MED13L: variants seen among roughly 807,000 people sequenced by gnomAD.
MED13L encodes the protein mediator of RNA polymerase II transcription subunit 13-like.
Under a neutral mutation model 220.9 loss-of-function variants are expected in MED13L, and 7 were observed. That is an observed-to-expected ratio of 0.03 (90% CI 0.02 to 0.06). The LOEUF is 0.06. Among genes scored for constraint, MED13L ranks in the 10% least tolerant of loss-of-function variants. The pLI, the probability that MED13L is intolerant of heterozygous loss-of-function variation, is 1.00. For missense variants in MED13L, 1,965 were observed against 2,760.5 expected, an observed-to-expected ratio of 0.71 and a Z score of 6.46; for synonymous variants, 1,011 against 1,015.2, an observed-to-expected ratio of 1.00 and a Z score of 0.08.
intron 2 of MED13L, among the ~76,000 whole-genome samples, chr12:116,214,849 A>T (rs1480717574): frequency 6.6e-6 from 1 of 152,196 alleles, no homozygotes; most frequent in Non-Finnish European, 1.5e-5. Flanking sequence ...AAAATTCTCA[A>T]ACATAATAAT....
chr12:115,993,682 C>A (rs1196547462), intron 16 of MED13L, among the ~76,000 whole-genome samples: 2 of 152,064 alleles, frequency 1.3e-5, no homozygotes, highest in African/African-American at 4.8e-5. Context: ...TCAACAAAAC[C>A]CTAAAATTAT....
Position 115,986,485 on chromosome 12 carries a change from C to T in MED13L, c.4119G>A (p.Ser1373=), listed in dbSNP as rs376574569. ...HKMAGRGTYG[S]EESPEPLPIP... is the part of the protein sequence containing the mutation. ...TGGGCAACGGCTCAGGAGATTCTTC[C>T]GAACCTAAAATGACATTGTAGTGTA... The change falls in exon 19 of 31, where the codon TCG becomes TCA. Residue 1373 remains serine, a synonymous_variant. Transcript: ENST00000281928. The T allele has an allele frequency of 3.3e-5, 53 of 1,613,518 alleles. No individual in the cohort carries two copies. The highest frequency in any genetic ancestry group is 3.7e-5 in the Non-Finnish European group (44 of 1,179,778).
intron 17 of MED13L, among the ~76,000 whole-genome samples, chr12:115,989,340 C>A (rs1321663887): frequency 2.6e-5 from 4 of 152,124 alleles, no homozygotes; most frequent in African/African-American, 9.7e-5. Flanking sequence ...ATCACTTCCT[C>A]TTTCTTGAAA....
At chr12:116,116,736 A>G (rs1334233151) in intron 2 of MED13L, among the ~76,000 whole-genome samples, 2 of 151,746 alleles carry the variant, frequency 1.3e-5, no homozygotes, top group African/African-American at 2.4e-5. Flanking sequence ...ACAGTGTCAG[A>G]ATTGAATTGA....
chr12:116,014,874 C>G (rs530104346), intron 8 of MED13L, among the ~76,000 whole-genome samples: 1 of 152,304 alleles, frequency 6.6e-6, no homozygotes, highest in Admixed American at 6.5e-5. Context: ...CCATGCCAAT[C>G]TGTACAGTAT....
chr12:115,972,337 T>C, intron 25 of MED13L, 101 bp from the exon 26 acceptor site: 1 of 1,443,330 alleles, frequency 6.9e-7, no homozygotes. Flanking sequence ...ATTTCCAAGG[T>C]TGGGCCCTAA....
At chr12:116,213,310 A>C (rs1053650590) in intron 2 of MED13L, among the ~76,000 whole-genome samples, 2 of 152,228 alleles carry the variant, frequency 1.3e-5, no homozygotes, top group Admixed American at 1.3e-4. Flanking sequence ...CTTGCAAATC[A>C]AAGACAAAAG....
chr12:116,192,920 C>T (rs780518131), intron 2 of MED13L, among the ~76,000 whole-genome samples: 55 of 152,240 alleles, frequency 3.6e-4, no homozygotes, highest in Non-Finnish European at 7.1e-4. Context: ...ATCACCAGGT[C>T]AGGAAATCAA....
intron 23 of MED13L, among the ~76,000 whole-genome samples, chr12:115,976,469 T>C (rs1225849235): frequency 6.6e-6 from 1 of 152,182 alleles, no homozygotes; most frequent in East Asian, 1.9e-4. Context: ...CTGTCAGAAG[T>C]CAGAATAGTG....
chr12:115,987,377 G>A, intron 17 of MED13L, 89 bp from the exon 18 acceptor site: 2 of 1,210,328 alleles, frequency 1.7e-6, no homozygotes, highest in South Asian at 2.6e-5. Context: ...GTTATATTCA[G>A]AACAATGACG....
chr12:116,159,845 G>T (rs1407833025), intron 2 of MED13L, among the ~76,000 whole-genome samples: 3 of 152,180 alleles, frequency 2.0e-5, no homozygotes, highest in Non-Finnish European at 4.4e-5. Flanking sequence ...TGATTCTCAA[G>T]AGAAAGGGAT....
intron 1 of MED13L, among the ~76,000 whole-genome samples, chr12:116,265,486 A>C (rs975503719): frequency 1.3e-5 from 2 of 152,164 alleles, no homozygotes; most frequent in African/African-American, 4.8e-5. Flanking sequence ...ACTTCTCATA[A>C]TAGTTTCTAT....
At chr12:116,021,945 A>G (rs1202899388) in intron 5 of MED13L, among the ~76,000 whole-genome samples, 1 of 152,172 alleles carries the variant, frequency 6.6e-6, no homozygotes, top group Non-Finnish European at 1.5e-5. Context: ...CTAAATACCT[A>G]TTACCAATGG....
At chr12:116,107,915 C>A (rs1057128579) in intron 3 of MED13L, among the ~76,000 whole-genome samples, 1 of 152,110 alleles carries the variant, frequency 6.6e-6, no homozygotes, top group African/African-American at 2.4e-5. Context: ...TATGGTGAAA[C>A]CCCATCTCTA....
chr12:115,985,285 T>C (rs972042921), intron 19 of MED13L, among the ~76,000 whole-genome samples: 5 of 152,362 alleles, frequency 3.3e-5, no homozygotes, highest in Admixed American at 2.0e-4. Flanking sequence ...TAGTATTATA[T>C]ATGCCCTGAC....
At chr12:116,084,774 CAAAA>C (rs569655073) in intron 4 of MED13L, among the ~76,000 whole-genome samples, 5 of 88,964 alleles carry the variant, frequency 5.6e-5, no homozygotes, top group Non-Finnish European at 4.7e-5. Flanking sequence ...ACCCTGTCGC[CAAAA>C]AAAAAAAAAA....
intron 2 of MED13L, among the ~76,000 whole-genome samples, chr12:116,118,225 C>T (rs1028983820): frequency 6.6e-6 from 1 of 151,890 alleles, no homozygotes; most frequent in Non-Finnish European, 1.5e-5. Flanking sequence ...AGTTTGGGCA[C>T]TAAGTTAATA....
intron 2 of MED13L, among the ~76,000 whole-genome samples, chr12:116,149,280 T>C (rs576578533): frequency 6.6e-6 from 1 of 152,198 alleles, no homozygotes; most frequent in African/African-American, 2.4e-5. Flanking sequence ...GTTAGCTATA[T>C]ACAGTTAAGT....
At chr12:116,010,963 G>A (rs972864774) in intron 9 of MED13L, among the ~76,000 whole-genome samples, 7 of 149,908 alleles carry the variant, frequency 4.7e-5, no homozygotes, top group South Asian at 2.1e-4. Context: ...TGCAACCTCC[G>A]CCTCCCGGGT....
Sources: gnomAD v4.1 joint callset for allele counts (sites outside exome capture counted in the v4.1 genomes callset) on GRCh38, gnomAD v4.1.1 for gene constraint, MANE v1.5 for transcripts, NCBI Gene and HGNC (gene_info 2026-07-23, HGNC 2026-07-21) for gene names.